Variants in PLAGL1 observed in about 807,000 individuals in gnomAD.
PLAGL1 encodes the protein zinc finger protein PLAGL1.
PLAGL1 carries 1 observed loss-of-function variant against 4.6 expected under a neutral mutation model. The ratio of observed to expected loss-of-function variants is 0.22; its 90% CI spans 0.08 to 1.03. PLAGL1 has a LOEUF of 1.03. Among genes scored for constraint, PLAGL1 ranks in the 50% least tolerant of loss-of-function variants. The pLI, the probability that PLAGL1 is intolerant of heterozygous loss-of-function variation, is 0.58. For missense variants in PLAGL1, 464 were observed against 570.4 expected, an observed-to-expected ratio of 0.81 and a Z score of 1.90; for synonymous variants, 240 against 237.8, an observed-to-expected ratio of 1.01 and a Z score of -0.08.
In PLAGL1 at chr6:143,982,038, G is replaced by A. The variant is rs370829410; in HGVS notation, c.-544+3097C>T. Among the ~76,000 whole-genome samples the A allele has an allele frequency of 1.3e-5, 2 of 152,178 alleles. No homozygotes were observed. Among genetic ancestry groups the A allele is most frequent in the East Asian group, 1.9e-4 (1 of 5,182 alleles). Reference sequence around the variant, plus strand: ...GGATTCACCACTGTGAACAAAACACGCAAAAATTCCTACCCTTGTGAAGCG... The same window carrying A: ...GGATTCACCACTGTGAACAAAACACACAAAAATTCCTACCCTTGTGAAGCG... On this transcript the variant is annotated intron_variant, in intron 2 of 7. Coordinates refer to ENST00000674357, the MANE Select transcript of PLAGL1 (RefSeq NM_001317162.2). The surrounding 1 kb of genome is among the most constrained non-coding windows in gnomAD (Gnocchi z 5.3).
At chr6:144,052,195 T>C (rs1395977424) in intron 1 of PLAGL1, among the ~76,000 whole-genome samples, 1 of 152,160 alleles carries the variant, frequency 6.6e-6, no homozygotes, top group African/African-American at 2.4e-5. Flanking sequence ...TCCTGACAGA[T>C]AGTATATATG....
At chr6:144,014,975 A>G (rs1795472913) in intron 1 of PLAGL1, among the ~76,000 whole-genome samples, 1 of 152,210 alleles carries the variant, frequency 6.6e-6, no homozygotes, top group Non-Finnish European at 1.5e-5. Context: ...AAAAAAATAA[A>G]CTTCTACATG....
At chr6:144,052,449 G>C (rs1195391833) in intron 1 of PLAGL1, among the ~76,000 whole-genome samples, 1 of 152,242 alleles carries the variant, frequency 6.6e-6, no homozygotes, top group Non-Finnish European at 1.5e-5. Context: ...AAGACATTTT[G>C]TAGAGATCTA....
At position 144,055,759 on chromosome 6, in the gene PLAGL1, A is replaced by C. The variant is rs929240988; in HGVS notation, c.-151+8709T>G. On this transcript the variant is annotated intron_variant, in intron 1 of 3. Transcript: ENST00000437412. This position sits in a 1 kb window ranked among gnomAD's most constrained non-coding sequence, Gnocchi z 5.0. ...CTACAGGTGCCTTTAGGAAAGTGAA[A>C]GCTACATTTACATTATTAACGATAA... is the stretch of plus-strand genomic sequence containing the variant. Among the ~76,000 whole-genome samples, 9 of 152,212 alleles carry C rather than the reference A, an allele frequency of 5.9e-5. No homozygotes were observed. The highest frequency in any genetic ancestry group is 2.2e-4 in the African/African-American group (9 of 41,454).
At chr6:144,029,511 C>T (rs546549718) in intron 1 of PLAGL1, among the ~76,000 whole-genome samples, 5 of 152,276 alleles carry the variant, frequency 3.3e-5, no homozygotes, top group Admixed American at 2.0e-4. Flanking sequence ...CAGCTCATTT[C>T]GTGAAGAATA....
rs1785308038 is a variant in PLAGL1 at position 143,970,974 on chromosome 6, T to C, written c.-543-1996A>G. On this transcript the variant is annotated intron_variant, in intron 2 of 7. Transcript: ENST00000674357. This position sits in a 1 kb window ranked among gnomAD's most constrained non-coding sequence, Gnocchi z 5.8. ...ATCAAATGGAAAAGTGCAGTTTGAT[T>C]TCCTACATTTCCCTCCACTCTCTGC... is the stretch of plus-strand genomic sequence containing the variant. Among the ~76,000 whole-genome samples the C allele has an allele frequency of 6.6e-6, 1 of 152,196 alleles. No homozygotes were observed. The highest frequency in any genetic ancestry group is 2.4e-5 in the African/African-American group (1 of 41,450).
At position 143,948,259 on chromosome 6, in the gene PLAGL1, G is replaced by T; in HGVS notation, c.-123C>A. On this transcript the variant is annotated 5_prime_UTR_variant, in exon 7 of 8. Transcript: ENST00000674357. The surrounding 1 kb of genome is among the most constrained non-coding windows in gnomAD (Gnocchi z 6.0). ...TCCCTGCAGCTGAACTCCAGACCACGGGAGAGGCAGCATCGTGGGCCTGGT... is the reference window on the plus strand; with the variant it reads ...TCCCTGCAGCTGAACTCCAGACCACTGGAGAGGCAGCATCGTGGGCCTGGT... 1.2e-6 allele frequency: 1 copy of T among 810,000 alleles called. No homozygotes were observed. Among genetic ancestry groups the T allele is most frequent in the East Asian group, 2.7e-5 (1 of 37,364 alleles). 50.2% of individuals were successfully genotyped at this position (810,000 alleles called of 1,614,324 possible). A position where few individuals can be genotyped will look rare whatever the true frequency, so the allele number is the denominator to read the frequency against.
chr6:143,987,024 T>C (rs1317342798), intron 1 of PLAGL1, among the ~76,000 whole-genome samples: 1 of 152,172 alleles, frequency 6.6e-6, no homozygotes, highest in Non-Finnish European at 1.5e-5. Context: ...TTCTTGACTT[T>C]CTGGGAGGGA....
chr6:144,038,230 T>C (rs1319477838), intron 1 of PLAGL1, among the ~76,000 whole-genome samples: 1 of 152,238 alleles, frequency 6.6e-6, no homozygotes. Context: ...CTGAAACTTA[T>C]CTACTTATTG....
rs964240328 is a variant in PLAGL1 at position 144,036,331 on chromosome 6, C to A, written c.-151+28137G>T. On this transcript the variant is annotated intron_variant, in intron 1 of 3. Transcript: ENST00000437412. This position sits in a 1 kb window ranked among gnomAD's most constrained non-coding sequence, Gnocchi z 5.1. ...GGAAATCAGCTGTGAAATACACAGA[C>A]TTTGTGCAGAGAAGTGGTGCAAGTG... 6.6e-6 allele frequency among the ~76,000 whole-genome samples: 1 copy of A among 152,198 alleles called. No individual in the cohort carries two copies. Among genetic ancestry groups the A allele is most frequent in the Non-Finnish European group, 1.5e-5 (1 of 68,036 alleles).
rs1333607960 is a variant in PLAGL1, at chr6:144,061,761, T to C, written c.-151+2707A>G. On this transcript the variant is annotated intron_variant, in intron 1 of 3. Coordinates refer to the PLAGL1 transcript ENST00000437412. The surrounding 1 kb of genome is among the most constrained non-coding windows in gnomAD (Gnocchi z 4.4). ...TCTACTCCCCACCTCCCACCATCAA[T>C]TTTATCAAGTTCCTTCCTCCTCCCA... 6.6e-6 allele frequency among the ~76,000 whole-genome samples: 1 copy of C among 152,212 alleles called. No homozygotes were observed. Among genetic ancestry groups the C allele is most frequent in the Admixed American group, 6.5e-5 (1 of 15,284 alleles).
chr6:144,049,332 C>A (rs887717515), intron 1 of PLAGL1, among the ~76,000 whole-genome samples: 2 of 152,216 alleles, frequency 1.3e-5, no homozygotes, highest in Non-Finnish European at 2.9e-5. Flanking sequence ...TCCAAAGTTG[C>A]TTCCTCATTT....
upstream of PLAGL1, among the ~76,000 whole-genome samples, chr6:144,011,326 T>C (rs908922980): frequency 3.3e-5 from 5 of 152,230 alleles, no homozygotes; most frequent in African/African-American, 1.2e-4. The surrounding 1 kb of genome is among the most constrained non-coding windows in gnomAD (Gnocchi z 4.3). Flanking sequence ...AAGACATTTA[T>C]GTGGCCAACA....
rs1442278439 is a variant in PLAGL1, at chr6:144,015,994, A to T, written c.-150-47016T>A. Among the ~76,000 whole-genome samples, 3 of 152,200 alleles carry T rather than the reference A, an allele frequency of 2.0e-5. No homozygotes were observed. Among genetic ancestry groups the T allele is most frequent in the Admixed American group, 2.0e-4 (3 of 15,284 alleles). On this transcript the variant is annotated intron_variant, in intron 1 of 3. Transcript: ENST00000437412. This position sits in a 1 kb window ranked among gnomAD's most constrained non-coding sequence, Gnocchi z 4.3. ...CAGTAATAAAATGGGCAAACTGCTGATACTGTCAACACAGATGAATCAAAA... is the reference window on the plus strand; with the variant it reads ...CAGTAATAAAATGGGCAAACTGCTGTTACTGTCAACACAGATGAATCAAAA...
In PLAGL1 at chr6:143,941,433, T is replaced by C. The variant is rs1003372506; in HGVS notation, c.1383A>G (p.Ala461=). 7 of 1,500,034 alleles carry C rather than the reference T, an allele frequency of 4.7e-6. No homozygotes were observed. Among genetic ancestry groups the C allele is most frequent in the Non-Finnish European group, 6.2e-6 (7 of 1,124,600 alleles). 92.9% of individuals were successfully genotyped at this position (1,500,034 alleles called of 1,614,324 possible). Reference sequence around the variant, plus strand: ...ACACTTTAAAAATCAATTATCTGAATGCATGATGGAAATGAGGCAGGATGG... The same window carrying C: ...ACACTTTAAAAATCAATTATCTGAACGCATGATGGAAATGAGGCAGGATGG... ...GSAILPHFHH[A]FR Residue 461 remains alanine (A), a synonymous_variant, in exon 8 of 8, where the codon GCA becomes GCG. Transcript: ENST00000674357. This position sits in a 1 kb window ranked among gnomAD's most constrained non-coding sequence, Gnocchi z 6.0.
chr6:144,020,321 C>T (rs1280556897), intron 1 of PLAGL1, among the ~76,000 whole-genome samples: 1 of 151,488 alleles, frequency 6.6e-6, no homozygotes, highest in Non-Finnish European at 1.5e-5. Context: ...AGTCGCTCGC[C>T]CTGTTACCCA....
At chr6:144,058,751 T>C (rs1799172836) in intron 1 of PLAGL1, among the ~76,000 whole-genome samples, 1 of 152,068 alleles carries the variant, frequency 6.6e-6, no homozygotes, top group African/African-American at 2.4e-5. Flanking sequence ...GCTCGGAAAT[T>C]ATCTTTTTTG....
rs919532708 is a variant in PLAGL1, at chr6:143,979,551, G to T, written c.-544+5584C>A. Among the ~76,000 whole-genome samples the T allele has an allele frequency of 6.6e-6, 1 of 151,904 alleles. No homozygotes were observed. Among genetic ancestry groups the T allele is most frequent in the Non-Finnish European group, 1.5e-5 (1 of 67,928 alleles). On this transcript the variant is annotated intron_variant, in intron 2 of 7. Transcript: ENST00000674357. This position sits in a 1 kb window ranked among gnomAD's most constrained non-coding sequence, Gnocchi z 4.6. ...AGTTATATCTTTAACTTACCATGGT[G>T]TACTTCCAAGGGATATACCAGTTCA...
rs1279857891 is a variant in PLAGL1, at chr6:143,975,103, G to A, written c.-543-6125C>T. 6.6e-6 allele frequency among the ~76,000 whole-genome samples: 1 copy of A among 152,172 alleles called. No individual in the cohort carries two copies. Among genetic ancestry groups the A allele is most frequent in the South Asian group, 2.1e-4 (1 of 4,832 alleles). On this transcript the variant is annotated intron_variant, in intron 2 of 7. Transcript: ENST00000674357. The surrounding 1 kb of genome is among the most constrained non-coding windows in gnomAD (Gnocchi z 5.8). ...GGTAAATTGACTTGCCAAAGTCATA[G>A]AACTAATAATCAGCAGTTAAAACTT...
Sources: allele counts gnomAD v4.1 joint callset (sites outside exome capture counted in the v4.1 genomes callset), GRCh38; gene constraint gnomAD v4.1.1; non-coding constraint Gnocchi (gnomAD v3.1); transcripts MANE v1.5; gene names NCBI Gene and HGNC (gene_info 2026-07-23, HGNC 2026-07-21).